Variants in DAG1 observed in about 807,000 individuals in gnomAD.
DAG1 encodes the protein dystroglycan 1, also known as dystroglycan 1 (dystrophin-associated glycoprotein 1).
In DAG1, 8 loss-of-function variants were observed where a neutral mutation model predicts 46.1. That is an observed-to-expected ratio of 0.17 (90% CI 0.10 to 0.31). The LOEUF is 0.31. DAG1 is among the 10% of genes least tolerant of loss of function. DAG1 has a pLI of 1.00. For synonymous variants in DAG1, 495 were observed against 481.8 expected, an observed-to-expected ratio of 1.03 and a Z score of -0.36; for missense variants, 1,003 against 1,189.9, an observed-to-expected ratio of 0.84 and a Z score of 2.31.
chr3:49,469,387 T>TG (rs1236607947), upstream of DAG1, among the ~76,000 whole-genome samples: 2 of 152,052 alleles, frequency 1.3e-5, no homozygotes, highest in African/African-American at 2.4e-5. Context: ...GCTTTTGGGG[T>TG]GGGGGGCTGC....
At chr3:49,482,430 G>A (rs1313066602) in intron 1 of DAG1, among the ~76,000 whole-genome samples, 3 of 152,176 alleles carry the variant, frequency 2.0e-5, no homozygotes, top group East Asian at 1.9e-4. Context: ...GAATGTCTCC[G>A]TGTAAAACCT....
intron 1 of DAG1, among the ~76,000 whole-genome samples, chr3:49,491,927 ATTC>A (rs1157127524): frequency 2.8e-5 from 4 of 142,048 alleles, no homozygotes; most frequent in Non-Finnish European, 6.2e-5. Context: ...CCCCAAGTCT[ATTC>A]TTTTTTTTTT....
intron 2 of DAG1, among the ~76,000 whole-genome samples, chr3:49,526,698 CAGAGTG>C (rs1457130685): frequency 1.3e-5 from 2 of 152,224 alleles, no homozygotes; most frequent in Non-Finnish European, 2.9e-5. Flanking sequence ...GCCCAGGTGA[CAGAGTG>C]AGACTCTGTC....
chr3:49,519,637 G>A (rs1483352728), intron 2 of DAG1, among the ~76,000 whole-genome samples: 4 of 152,208 alleles, frequency 2.6e-5, no homozygotes, highest in Admixed American at 2.6e-4. Context: ...GGGAAATGCG[G>A]GTTGGCGATG....
rs1305908143 is a variant in DAG1 at position 49,533,509 on chromosome 3, A to G, written c.*310A>G. ...CACCATGTGGAGTGGAGGTGGAGGG[A>G]GCGAGGAACCATGAATGAACTCGCA... is the stretch of plus-strand genomic sequence containing the variant. On this transcript the variant is annotated 3_prime_UTR_variant, in exon 3 of 3. Coordinates refer to ENST00000308775, the MANE Select transcript of DAG1 (RefSeq NM_004393.6). 1.8e-6 allele frequency: 1 copy of G among 571,276 alleles called. No homozygotes were observed. The highest frequency in any genetic ancestry group is 1.6e-5 in the South Asian group (1 of 63,494). The allele number at this position is 571,276 out of a possible 1,614,324, so 35.4% of individuals were successfully genotyped here.
chr3:49,488,244 T>A (rs1025076439), intron 1 of DAG1, among the ~76,000 whole-genome samples: 1 of 152,154 alleles, frequency 6.6e-6, no homozygotes, highest in Non-Finnish European at 1.5e-5. Flanking sequence ...CTGCCCCACC[T>A]CCTTCCTCTT....
chr3:49,525,072 G>T (rs2107816015), intron 2 of DAG1, among the ~76,000 whole-genome samples: 1 of 151,986 alleles, frequency 6.6e-6, no homozygotes, highest in South Asian at 2.1e-4. Flanking sequence ...GCTTGGGCCT[G>T]ATGTCACCAG....
chr3:49,533,846 C>G lies in DAG1; in HGVS notation c.*647C>G, dbSNP rs1487839978. On this transcript the variant is annotated 3_prime_UTR_variant, in exon 3 of 3. Transcript: ENST00000308775. ...AAAGGAATACTATTTTTTCACACTACGTCAACTTGGTTGCTCTGATACCCC... is the reference window on the plus strand; with the variant it reads ...AAAGGAATACTATTTTTTCACACTAGGTCAACTTGGTTGCTCTGATACCCC... The G allele has an allele frequency of 5.5e-6, 1 of 182,398 alleles. No individual in the cohort carries two copies. The highest frequency in any genetic ancestry group is 5.5e-5 in the Admixed American group (1 of 18,146). 11.3% of individuals were successfully genotyped at this position (182,398 alleles called of 1,614,324 possible). A position where few individuals can be genotyped will look rare whatever the true frequency, so the allele number is the denominator to read the frequency against.
At position 49,510,358 on chromosome 3, in the gene DAG1, T is replaced by C. The variant is rs564918019; in HGVS notation, c.-116-61T>C. On this transcript the variant is annotated intron_variant, in intron 1 of 2. Transcript: ENST00000308775. ...GTTTTTGACAGTAACTCCTGGAGGA[T>C]AGTATGTGACTGAACCACTGGAATT... 52 of 653,180 alleles carry C rather than the reference T, an allele frequency of 8.0e-5. 1 individual carries two copies. Among genetic ancestry groups the C allele is most frequent in the Admixed American group, 7.4e-4 (30 of 40,398 alleles). The allele number at this position is 653,180 out of a possible 1,614,324, so 40.5% of individuals were successfully genotyped here.
chr3:49,504,847 G>C (rs1356031862), intron 1 of DAG1, among the ~76,000 whole-genome samples: 1 of 141,266 alleles, frequency 7.1e-6, no homozygotes, highest in Non-Finnish European at 1.5e-5. Flanking sequence ...TCCTGACCTC[G>C]TGATCCACCC....
Position 49,535,447 on chromosome 3 carries a change from T to A in DAG1, c.*2248T>A, listed in dbSNP as rs2051484770. 1 of 152,712 alleles carries A rather than the reference T, an allele frequency of 6.5e-6. No individual in the cohort carries two copies. 9.5% of individuals were successfully genotyped at this position (152,712 alleles called of 1,614,324 possible). On this transcript the variant is annotated 3_prime_UTR_variant, in exon 3 of 3. Transcript: ENST00000308775. Reference sequence around the variant, plus strand: ...GCAGGCAGCCTGCTCCCCTGAGCGCTGGGCTGGTGATGGTCGTTGGACTCT... The same window carrying A: ...GCAGGCAGCCTGCTCCCCTGAGCGCAGGGCTGGTGATGGTCGTTGGACTCT...
rs150054099 is a variant in DAG1, at chr3:49,487,074, A to G, written c.-117+16641A>G. On this transcript the variant is annotated intron_variant, in intron 1 of 2. Coordinates refer to ENST00000308775, the MANE Select transcript of DAG1 (RefSeq NM_004393.6). ...GCTAATTTTTGTATTTTTAGTAGTA[A>G]TGGGGTTTCTCTGTGTTGCCCAGAC... Among the ~76,000 whole-genome samples, 18 of 152,040 alleles carry G rather than the reference A, an allele frequency of 1.2e-4. No homozygotes were observed. In the East Asian group the frequency reaches 2.5e-3, roughly 21 times the overall value.
chr3:49,473,974 G>A (rs1261984412), intron 1 of DAG1, among the ~76,000 whole-genome samples: 19 of 150,142 alleles, frequency 1.3e-4, no homozygotes, highest in Non-Finnish European at 2.2e-4. Flanking sequence ...GCCTCGACCA[G>A]CCTCCCTGGC....
Position 49,510,792 on chromosome 3 carries a change from G to A in DAG1, c.258G>A (p.Leu86=). 1 of 1,614,194 alleles carries A rather than the reference G, an allele frequency of 6.2e-7. No individual in the cohort carries two copies. ...RSFRVTIPTD[L]IASSGDIIKV... is the part of the protein sequence containing the mutation. ...TTCGAGTGACCATTCCAACAGATTT[G>A]ATTGCCTCCAGTGGAGATATCATCA... The change falls in exon 2 of 3, where the codon TTG becomes TTA. Residue 86 remains leucine, a synonymous_variant. Coordinates refer to ENST00000308775, the MANE Select transcript of DAG1 (RefSeq NM_004393.6).
chr3:49,489,277 A>G (rs1213837356), intron 1 of DAG1, among the ~76,000 whole-genome samples: 1 of 152,090 alleles, frequency 6.6e-6, no homozygotes, highest in Non-Finnish European at 1.5e-5. Context: ...TTTTCAGTAG[A>G]AAAGGGGTTT....
intron 1 of DAG1, among the ~76,000 whole-genome samples, chr3:49,480,572 C>T (rs1386405654): frequency 1.4e-5 from 2 of 147,126 alleles, no homozygotes; most frequent in East Asian, 1.9e-4. Context: ...GGATTACAGG[C>T]GTGAGCCACT....
rs1319192870 is a variant in DAG1 at position 49,470,364 on chromosome 3, G to C, written c.-186G>C. ...CGGCAGCTTCGCGCCGAATCCCCGG[G>C]GAGCGGCGGTGGCGGCGTCCTGGGG... On this transcript the variant is annotated 5_prime_UTR_variant, in exon 1 of 3. Transcript: ENST00000308775. The C allele has an allele frequency of 6.5e-6, 1 of 152,722 alleles. No individual in the cohort carries two copies. The highest frequency in any genetic ancestry group is 1.5e-5 in the Non-Finnish European group (1 of 68,546). The allele number at this position is 152,722 out of a possible 1,614,324, so 9.5% of individuals were successfully genotyped here.
chr3:49,498,079 A>G (rs747540259), intron 1 of DAG1, among the ~76,000 whole-genome samples: 3 of 152,192 alleles, frequency 2.0e-5, no homozygotes, highest in African/African-American at 4.8e-5. Flanking sequence ...CTTGCCTCTC[A>G]GGGGTGGTAT....
intron 2 of DAG1, among the ~76,000 whole-genome samples, chr3:49,523,231 A>G (rs2051083718): frequency 6.6e-6 from 1 of 152,194 alleles, no homozygotes; most frequent in Non-Finnish European, 1.5e-5. Flanking sequence ...TAAATGTGCC[A>G]GGATCTAGTG....
Sources: allele counts gnomAD v4.1 joint callset (sites outside exome capture counted in the v4.1 genomes callset), GRCh38; gene constraint gnomAD v4.1.1; transcripts MANE v1.5; gene names NCBI Gene and HGNC (gene_info 2026-07-23, HGNC 2026-07-21).